Variants in DNMT3A observed in about 807,000 individuals in gnomAD.
The protein encoded by DNMT3A is DNA methyltransferase 3 alpha, also known as DNA (cytosine-5)-methyltransferase 3A.
In DNMT3A, 267 loss-of-function variants were observed where a neutral mutation model predicts 117.6. That is an observed-to-expected ratio of 2.27 (90% CI 2.05 to 2.51). DNMT3A has a LOEUF of 2.51. Among genes scored for constraint, DNMT3A ranks in the 30% most tolerant of loss-of-function variants. The pLI, the probability that DNMT3A is intolerant of heterozygous loss-of-function variation, is 0.00. For synonymous variants in DNMT3A, 432 were observed against 474.8 expected (o/e 0.91, Z 1.17); for missense variants, 1,029 against 1,260.2 (o/e 0.82, Z 2.78).
At chr2:25,322,453 AC>A (rs375834616) in intron 1 of DNMT3A, among the ~76,000 whole-genome samples, 2 of 148,180 alleles carry the variant, frequency 1.3e-5, no homozygotes, top group African/African-American at 2.5e-5. Flanking sequence ...CTCCCTCTCC[AC>A]CCCCCACCCT....
intron 6 of DNMT3A, among the ~76,000 whole-genome samples, chr2:25,262,065 C>T (rs906493416): frequency 1.3e-5 from 2 of 151,980 alleles, no homozygotes; most frequent in Non-Finnish European, 2.9e-5. Context: ...CAGCACATGC[C>T]TGTAACCCCA....
At chr2:25,243,038 G>C (rs1284907395) in intron 16 of DNMT3A, among the ~76,000 whole-genome samples, 1 of 152,320 alleles carries the variant, frequency 6.6e-6, no homozygotes, top group African/African-American at 2.4e-5. Context: ...CGGGTCTGGT[G>C]GCTCATGCCT....
In DNMT3A at chr2:25,246,657, G is replaced by C. The variant is rs762101783; in HGVS notation, c.1242C>G (p.Phe414Leu). The change falls in exon 10 of 23, where the codon TTC becomes TTG. Residue 414 changes from phenylalanine to leucine, a missense_variant. Phe to Leu is a conservative substitution (Grantham distance 22). Transcript: ENST00000321117. Reference sequence around the variant, plus strand: ...CCAGGCCCTTAGGGCCAGAAGGCTGGAAGCCCCCCAGGGCCCATTCAATCA... The same window carrying C: ...CCAGGCCCTTAGGGCCAGAAGGCTGCAAGCCCCCCAGGGCCCATTCAATCA... ...KPMIEWALGGFQPSGPKGLEP... is the reference protein window; with the variant it reads ...KPMIEWALGGLQPSGPKGLEP... The C allele has an allele frequency of 1.2e-6, 2 of 1,613,414 alleles. No individual in the cohort carries two copies. Among genetic ancestry groups the C allele is most frequent in the Non-Finnish European group, 1.7e-6 (2 of 1,179,932 alleles).
At chr2:25,255,013 C>G (rs1675995294) in intron 6 of DNMT3A, among the ~76,000 whole-genome samples, 1 of 152,232 alleles carries the variant, frequency 6.6e-6, no homozygotes, top group Non-Finnish European at 1.5e-5. Flanking sequence ...CTCTTCCACA[C>G]AACTTCCCAA....
chr2:25,309,340 C>A (rs1027238457), intron 2 of DNMT3A, among the ~76,000 whole-genome samples: 7 of 152,202 alleles, frequency 4.6e-5, no homozygotes, highest in Non-Finnish European at 1.0e-4. Flanking sequence ...GGAAGGAGGG[C>A]AGGAGGCAGG....
At position 25,282,225 on chromosome 2, in the gene DNMT3A, A is replaced by G; in HGVS notation, c.448+216T>C. 1 of 1,255,666 alleles carries G rather than the reference A, an allele frequency of 8.0e-7. No individual in the cohort carries two copies. Among genetic ancestry groups the G allele is most frequent in the Middle Eastern group, 3.1e-4 (1 of 3,274 alleles). The allele number at this position is 1,255,666 out of a possible 1,614,324, so 77.8% of individuals were successfully genotyped here. ...AATTTTTTGATTTTTAAATACTGGC[A>G]ACTAATTTTTTAAATGTTTAAAACA... On this transcript the variant is annotated intron_variant, in intron 4 of 22. Coordinates refer to ENST00000321117, the MANE Select transcript of DNMT3A (RefSeq NM_022552.5). The surrounding 1 kb of genome is among the most constrained non-coding windows in gnomAD (Gnocchi z 5.2).
intron 6 of DNMT3A, among the ~76,000 whole-genome samples, chr2:25,266,596 G>C: frequency 6.6e-6 from 1 of 152,214 alleles, no homozygotes; most frequent in East Asian, 1.9e-4. Flanking sequence ...CCTCAGGGCA[G>C]ACAGGAAGCA....
intron 1 of DNMT3A, among the ~76,000 whole-genome samples, chr2:25,335,097 G>T (rs1229222527): frequency 6.6e-6 from 1 of 151,916 alleles, no homozygotes; most frequent in Non-Finnish European, 1.5e-5. Context: ...TATTTGTATC[G>T]ATTTTAAAGA....
chr2:25,313,195 T>A (rs2034209576), intron 2 of DNMT3A, among the ~76,000 whole-genome samples: 1 of 152,144 alleles, frequency 6.6e-6, no homozygotes, highest in Non-Finnish European at 1.5e-5. Flanking sequence ...GGGACTCCCA[T>A]CAGTCTGATG....
At chr2:25,264,454 T>A (rs532552994) in intron 6 of DNMT3A, among the ~76,000 whole-genome samples, 119 of 150,802 alleles carry the variant, frequency 7.9e-4, no homozygotes, top group African/African-American at 1.7e-3. Flanking sequence ...GTTTTTTTTT[T>A]AAAAAGAGTT....
chr2:25,304,212 G>A lies in DNMT3A; in HGVS notation c.73-3969C>T, dbSNP rs2033669077. Among the ~76,000 whole-genome samples, 1 of 152,166 alleles carries A rather than the reference G, an allele frequency of 6.6e-6. No homozygotes were observed. The highest frequency in any genetic ancestry group is 1.5e-5 in the Non-Finnish European group (1 of 68,024). On this transcript the variant is annotated intron_variant, in intron 2 of 22. Coordinates refer to ENST00000321117, the MANE Select transcript of DNMT3A (RefSeq NM_022552.5). The surrounding 1 kb of genome is among the most constrained non-coding windows in gnomAD (Gnocchi z 4.3). Reference sequence around the variant, plus strand: ...CGTAGGCTTTGGAGAGGGCAGAGCCGGGCTGGGAGTTTCGCTCTGCTCTTT... The same window carrying A: ...CGTAGGCTTTGGAGAGGGCAGAGCCAGGCTGGGAGTTTCGCTCTGCTCTTT...
intron 1 of DNMT3A, among the ~76,000 whole-genome samples, chr2:25,323,254 A>G (rs1193947414): frequency 1.3e-5 from 2 of 152,152 alleles, no homozygotes; most frequent in African/African-American, 4.8e-5. Flanking sequence ...GAGAACGAAG[A>G]GCTCAGAGAT....
chr2:25,247,395 G>T lies in DNMT3A; in HGVS notation c.1014+196C>A. The T allele has an allele frequency of 1.1e-6, 1 of 928,008 alleles. No homozygotes were observed. Among genetic ancestry groups the T allele is most frequent in the Non-Finnish European group, 1.6e-6 (1 of 630,640 alleles). 57.5% of individuals were successfully genotyped at this position (928,008 alleles called of 1,614,324 possible). ...TAGGTTCCTGGAAGGCTAAAACTGG[G>T]CCAGCATCCTAGCTCTCTGAGCCAC... On this transcript the variant is annotated intron_variant, in intron 8 of 22. Coordinates refer to ENST00000321117, the MANE Select transcript of DNMT3A (RefSeq NM_022552.5). This position sits in a 1 kb window ranked among gnomAD's most constrained non-coding sequence, Gnocchi z 5.6.
intron 6 of DNMT3A, among the ~76,000 whole-genome samples, chr2:25,251,226 G>A (rs184800959): frequency 0.015 from 2,338 of 151,290 alleles, 28 homozygotes; most frequent in Non-Finnish European, 0.025. Flanking sequence ...GTGGGGGAGG[G>A]GCCTCACTAG....
In DNMT3A at chr2:25,252,502, G is replaced by C. The variant is rs955505788; in HGVS notation, c.640-4250C>G. On this transcript the variant is annotated intron_variant, in intron 6 of 22. Transcript: ENST00000321117. The surrounding 1 kb of genome is among the most constrained non-coding windows in gnomAD (Gnocchi z 5.5). ...CCGGTCCGAGGGGCGCGGGGCCGGG[G>C]GGCGAGGCCGTTCCCCGCCCGTTCC... is the stretch of plus-strand genomic sequence containing the variant. Among the ~76,000 whole-genome samples, 5 of 152,088 alleles carry C rather than the reference G, an allele frequency of 3.3e-5. No individual in the cohort carries two copies. Among genetic ancestry groups the C allele is most frequent in the African/African-American group, 1.2e-4 (5 of 41,450 alleles).
Position 25,233,460 on chromosome 2 carries a change from T to G in DNMT3A, c.*819A>C. ...ACAGTAGTTAACAGTACCTTTTATA[T>G]ATATATCTCATATCTATCATATATA... is the stretch of plus-strand genomic sequence containing the variant. On this transcript the variant is annotated 3_prime_UTR_variant, in exon 23 of 23. Coordinates refer to ENST00000321117, the MANE Select transcript of DNMT3A (RefSeq NM_022552.5). 1 of 233,716 alleles carries G rather than the reference T, an allele frequency of 4.3e-6. No homozygotes were observed. The highest frequency in any genetic ancestry group is 8.5e-6 in the Non-Finnish European group (1 of 117,990). The allele number at this position is 233,716 out of a possible 1,614,324, so 14.5% of individuals were successfully genotyped here.
intron 3 of DNMT3A, among the ~76,000 whole-genome samples, chr2:25,289,081 C>T (rs967140716): frequency 1.3e-5 from 2 of 151,986 alleles, no homozygotes; most frequent in East Asian, 1.9e-4. Context: ...CCTCCCTCCT[C>T]GACTGTGAGC....
intron 6 of DNMT3A, chr2:25,249,612 C>T (rs1161847841): frequency 6.2e-7 from 1 of 1,612,382 alleles, no homozygotes; most frequent in Admixed American, 1.7e-5. Flanking sequence ...AATTAATAAG[C>T]CAAACCCCAG....
In DNMT3A at chr2:25,314,021, TG is replaced by T; in HGVS notation, c.-38del. Reference sequence around the variant, plus strand: ...GAGGCAGGCTGGGGCTGCGCGGGGCTGGGGGGCTGCTGGGCTTTGGGGAAGG... The same window carrying T: ...GAGGCAGGCTGGGGCTGCGCGGGGCTGGGGGCTGCTGGGCTTTGGGGAAGG... On this transcript the variant is annotated 5_prime_UTR_variant, in exon 2 of 23. Coordinates refer to ENST00000321117, the MANE Select transcript of DNMT3A (RefSeq NM_022552.5). 3 of 1,504,404 alleles carry T rather than the reference TG, an allele frequency of 2.0e-6. No homozygotes were observed. The highest frequency in any genetic ancestry group is 2.7e-6 in the Non-Finnish European group (3 of 1,126,738). The allele number at this position is 1,504,404 out of a possible 1,614,324, so 93.2% of individuals were successfully genotyped here.
Sources: gnomAD v4.1 joint callset for allele counts (sites outside exome capture counted in the v4.1 genomes callset) on GRCh38, gnomAD v4.1.1 for gene constraint, Gnocchi (gnomAD v3.1) non-coding constraint, MANE v1.5 for transcripts, NCBI Gene and HGNC (gene_info 2026-07-23, HGNC 2026-07-21) for gene names.